DENND2B: variants seen among roughly 807,000 people sequenced by gnomAD.
DENND2B encodes DENN domain containing 2B, also known as DENN domain-containing protein 2B.
DENND2B carries 32 observed loss-of-function variants against 116.0 expected under a neutral mutation model. The ratio of observed to expected loss-of-function variants is 0.28; its 90% CI spans 0.21 to 0.37. The LOEUF (loss-of-function observed/expected upper bound fraction) is 0.37, where lower values mean the gene tolerates loss of function less well. DENND2B is among the 10% of genes least tolerant of loss of function. The pLI is 1.00. For missense variants in DENND2B, 1,276 were observed against 1,477.7 expected, an observed-to-expected ratio of 0.86 and a Z score of 2.24; for synonymous variants, 588 against 583.9, an observed-to-expected ratio of 1.01 and a Z score of -0.10.
At chr11:8,775,694 TTA>T (rs1555185395) in intron 1 of DENND2B, among the ~76,000 whole-genome samples, 1 of 152,176 alleles carries the variant, frequency 6.6e-6, no homozygotes, top group East Asian at 1.9e-4. Context: ...CATTTCTTCT[TTA>T]ACCAAATAAG....
intron 19 of DENND2B, 97 bp from the exon 20 acceptor site, chr11:8,694,227 G>T: frequency 7.3e-7 from 1 of 1,366,726 alleles, no homozygotes; most frequent in South Asian, 1.2e-5. Context: ...CAGTGGGAGA[G>T]GAAGGATTAG....
intron 1 of DENND2B, among the ~76,000 whole-genome samples, chr11:8,789,307 TCTA>T (rs1426310315): frequency 2.6e-5 from 4 of 152,240 alleles, no homozygotes; most frequent in African/African-American, 9.6e-5. Context: ...ATCTATTCTC[TCTA>T]CTTTGGTTAT....
chr11:8,753,709 C>G (rs2053010858), intron 1 of DENND2B, among the ~76,000 whole-genome samples: 1 of 151,924 alleles, frequency 6.6e-6, no homozygotes, highest in African/African-American at 2.4e-5. Flanking sequence ...AGAACAGAAA[C>G]AGAGATCAAC....
At chr11:8,812,971 A>C (rs2061445658), upstream of DENND2B, among the ~76,000 whole-genome samples, 2 of 152,102 alleles carry the variant, frequency 1.3e-5, no homozygotes, top group Non-Finnish European at 2.9e-5. Context: ...ATTTATTGAC[A>C]CGAGGTCTTA....
At chr11:8,862,054 G>A (rs2063411823) in intron 2 of DENND2B, among the ~76,000 whole-genome samples, 1 of 151,310 alleles carries the variant, frequency 6.6e-6, no homozygotes, top group South Asian at 2.1e-4. Context: ...GGAGGGAGGG[G>A]AGATGAAGGG....
intron 2 of DENND2B, among the ~76,000 whole-genome samples, chr11:8,744,555 A>G (rs1222344082): frequency 6.6e-6 from 1 of 152,156 alleles, no homozygotes; most frequent in East Asian, 1.9e-4. Flanking sequence ...TGGAGAAACT[A>G]CTCACCTGCA....
chr11:8,745,699 A>G (rs1202457730), intron 2 of DENND2B, among the ~76,000 whole-genome samples: 1 of 152,254 alleles, frequency 6.6e-6, no homozygotes, highest in African/African-American at 2.4e-5. Context: ...GCTCATTAAA[A>G]TGCCACGCAT....
intron 1 of DENND2B, among the ~76,000 whole-genome samples, chr11:8,894,950 G>A (rs1268451205): frequency 1.2e-4 from 19 of 152,102 alleles, no homozygotes; most frequent in African/African-American, 3.6e-4. Flanking sequence ...ACATGCACAC[G>A]TATGTTTATT....
At chr11:8,746,126 G>A (rs1017928505) in intron 2 of DENND2B, among the ~76,000 whole-genome samples, 1 of 87,392 alleles carries the variant, frequency 1.1e-5, no homozygotes, top group African/African-American at 4.7e-5. Context: ...CCTAAGGGGG[G>A]CCTGCCACGG....
chr11:8,707,018 T>C lies in DENND2B; in HGVS notation c.2571+67A>G. On this transcript the variant is annotated intron_variant, in intron 13 of 19. Transcript: ENST00000313726. The surrounding 1 kb of genome is among the most constrained non-coding windows in gnomAD (Gnocchi z 4.8). ...TCTGCAACCCCCAAAGACTACGACC[T>C]TGGCCAGCATGGTCCTCCTGCCACC... is the stretch of plus-strand genomic sequence containing the variant. 2 of 1,561,966 alleles carry C rather than the reference T, an allele frequency of 1.3e-6. No individual in the cohort carries two copies. The highest frequency in any genetic ancestry group is 1.7e-6 in the Non-Finnish European group (2 of 1,151,498).
chr11:8,908,854 A>G (rs2064272234), intron 1 of DENND2B, among the ~76,000 whole-genome samples: 1 of 151,954 alleles, frequency 6.6e-6, no homozygotes, highest in African/African-American at 2.4e-5. Flanking sequence ...GTTCTCCACA[A>G]CTCCTAGGGC....
intron 1 of DENND2B, among the ~76,000 whole-genome samples, chr11:8,765,681 T>G (rs2055586513): frequency 2.5e-5 from 3 of 118,894 alleles, no homozygotes; most frequent in Non-Finnish European, 5.8e-5. Context: ...TCCTTTCAAT[T>G]TCTTGTATCA....
chr11:8,704,440 AG>A (rs2042238025), intron 13 of DENND2B, among the ~76,000 whole-genome samples: 1 of 152,244 alleles, frequency 6.6e-6, no homozygotes, highest in African/African-American at 2.4e-5. Context: ...AAGAGCTCCC[AG>A]GCATGATGCT....
chr11:8,734,877 C>G (rs2048737004), intron 2 of DENND2B, among the ~76,000 whole-genome samples: 1 of 151,706 alleles, frequency 6.6e-6, no homozygotes. Flanking sequence ...AGCTTGGGGC[C>G]TAACACACAG....
intron 1 of DENND2B, among the ~76,000 whole-genome samples, chr11:8,755,285 T>C (rs368325647): frequency 2.7e-4 from 41 of 152,364 alleles, no homozygotes; most frequent in African/African-American, 9.6e-4. Flanking sequence ...TTATGGCCAC[T>C]GATGACCTTA....
Position 8,702,463 on chromosome 11 carries a change from ACTCCAGCACTGGT to A in DENND2B, c.2720+96_2720+108del. 1 of 1,487,718 alleles carries A rather than the reference ACTCCAGCACTGGT, an allele frequency of 6.7e-7. No individual in the cohort carries two copies. Among genetic ancestry groups the A allele is most frequent in the South Asian group, 1.2e-5 (1 of 84,560 alleles). The allele number at this position is 1,487,718 out of a possible 1,614,324, so 92.2% of individuals were successfully genotyped here. A position where few individuals can be genotyped will look rare whatever the true frequency, so the allele number is the denominator to read the frequency against. On this transcript the variant is annotated intron_variant, in intron 14 of 19. Coordinates refer to ENST00000313726, the MANE Select transcript of DENND2B (RefSeq NM_213618.2). The surrounding 1 kb of genome is among the most constrained non-coding windows in gnomAD (Gnocchi z 4.6). ...CTTCCATCTCCCTACGCACAGCCCC[ACTCCAGCACTGGT>A]CTCCGGCGCCTGCTTAGGCTCCTGA...
In DENND2B at chr11:8,854,016, A is replaced by ATTTTTTTTTTTT. The variant is rs71059187; in HGVS notation, c.-156+3315_-156+3326dup. Among the ~76,000 whole-genome samples, 38 of 62,772 alleles carry ATTTTTTTTTTTT rather than the reference A, an allele frequency of 6.1e-4. 2 individuals carry two copies. Among genetic ancestry groups the ATTTTTTTTTTTT allele is most frequent in the African/African-American group, 1.6e-3 (26 of 16,080 alleles). 41.2% of individuals were successfully genotyped at this position (62,772 alleles called of 152,430 possible). A position where few individuals can be genotyped will look rare whatever the true frequency, so the allele number is the denominator to read the frequency against. On this transcript the variant is annotated intron_variant, in intron 3 of 6. Transcript: ENST00000524757. ...GGTGAATGCCACCATGCCCCAGTTA[A>ATTTTTTTTTTTT]TTTTTTTTTTTTTTTTTTTTTTTTT...
intron 14 of DENND2B, chr11:8,700,075 A>C (rs2041269302): frequency 2.2e-6 from 1 of 448,314 alleles, no homozygotes; most frequent in African/African-American, 2.0e-5. Flanking sequence ...GGGGGGGGGC[A>C]GGGTGGCAAA....
intron 4 of DENND2B, among the ~76,000 whole-genome samples, chr11:8,833,762 G>A (rs539056488): frequency 6.6e-6 from 1 of 152,126 alleles, no homozygotes; most frequent in Admixed American, 6.5e-5. Context: ...CACAGCACCA[G>A]TAAATGAACT....
Sources: allele counts gnomAD v4.1 joint callset (sites outside exome capture counted in the v4.1 genomes callset), GRCh38; gene constraint gnomAD v4.1.1; non-coding constraint Gnocchi (gnomAD v3.1); transcripts MANE v1.5; gene names NCBI Gene and HGNC (gene_info 2026-07-23, HGNC 2026-07-21).